The following PDE1A variants were observed in gnomAD, a reference collection of about 807,000 sequenced individuals.
PDE1A encodes dual specificity calcium/calmodulin-dependent 3',5'-cyclic nucleotide phosphodiesterase 1A.
In PDE1A, 35 loss-of-function variants were observed where a neutral mutation model predicts 61.7. The observed-to-expected ratio is 0.57, with a 90% CI of 0.43 to 0.75. PDE1A has a LOEUF of 0.75. Ranked by LOEUF, PDE1A falls within the 30% of genes least tolerant of loss-of-function variation. The pLI, the probability that PDE1A is intolerant of heterozygous loss-of-function variation, is 0.00. For synonymous variants in PDE1A, 232 were observed against 213.2 expected (o/e 1.09, Z -0.77); for missense variants, 597 against 630.6 (o/e 0.95, Z 0.57).
At chr2:182,692,291 C>G in the PDE1A span, among the ~76,000 whole-genome samples, 1 of 152,092 alleles carries the variant, frequency 6.6e-6, no homozygotes, top group African/African-American at 2.4e-5. Flanking sequence ...CAATGATAGA[C>G]TAGATTAAGA....
At chr2:182,285,645 T>C (rs1694107793) in intron 1 of PDE1A, among the ~76,000 whole-genome samples, 1 of 152,136 alleles carries the variant, frequency 6.6e-6, no homozygotes. Context: ...AAAGTCAGCA[T>C]CTTGAAACAA....
At chr2:182,554,598 G>A in the PDE1A span, among the ~76,000 whole-genome samples, 1 of 152,042 alleles carries the variant, frequency 6.6e-6, no homozygotes, top group Non-Finnish European at 1.5e-5. Context: ...ACTTTGGCGA[G>A]TTAGTTAACT....
At chr2:182,164,155 G>C (rs374044314), downstream of PDE1A, among the ~76,000 whole-genome samples, 1 of 152,136 alleles carries the variant, frequency 6.6e-6, no homozygotes, top group Non-Finnish European at 1.5e-5. Flanking sequence ...GTATTCTATC[G>C]TCACATGGTA....
chr2:182,532,028 C>G, the PDE1A span, among the ~76,000 whole-genome samples: 2 of 152,142 alleles, frequency 1.3e-5, no homozygotes, highest in Non-Finnish European at 2.9e-5. Context: ...AGGACATGAA[C>G]TCATTCTTTT....
chr2:182,417,769 G>A (rs918907468), intron 1 of PDE1A, among the ~76,000 whole-genome samples: 2 of 152,132 alleles, frequency 1.3e-5, no homozygotes, highest in African/African-American at 4.8e-5. Flanking sequence ...GAATCAGACA[G>A]CTTGTAGGAA....
intron 1 of PDE1A, among the ~76,000 whole-genome samples, chr2:182,407,684 A>T (rs1003820680): frequency 6.6e-6 from 1 of 152,150 alleles, no homozygotes; most frequent in Admixed American, 6.5e-5. Flanking sequence ...CCCGGCCAAC[A>T]TACTTTACGT....
At chr2:182,496,242 T>C (rs1387914053) in intron 2 of PDE1A, among the ~76,000 whole-genome samples, 1 of 152,062 alleles carries the variant, frequency 6.6e-6, no homozygotes. Context: ...TGTACTAGGC[T>C]ACAAAATATT....
At chr2:182,473,867 C>T (rs1261334833) in intron 2 of PDE1A, among the ~76,000 whole-genome samples, 2 of 151,842 alleles carry the variant, frequency 1.3e-5, no homozygotes, top group African/African-American at 4.8e-5. Flanking sequence ...TATGTGCCAC[C>T]TTTTCTTTAT....
the PDE1A span, among the ~76,000 whole-genome samples, chr2:182,640,272 A>G: frequency 6.6e-6 from 1 of 152,370 alleles, no homozygotes; most frequent in East Asian, 1.9e-4. Flanking sequence ...GGAAAACTGC[A>G]GCAAAGAGAC....
chr2:182,234,503 A>G lies in PDE1A; in HGVS notation c.351-5T>C. 1 of 1,564,284 alleles carries G rather than the reference A, an allele frequency of 6.4e-7. No individual in the cohort carries two copies. Among genetic ancestry groups the G allele is most frequent in the South Asian group, 1.1e-5 (1 of 87,754 alleles). ...TGATATGTTTTTCGGTACATTCTAA[A>G]AAAGACAAAAATAAGTGTAAATATA... On this transcript the variant is annotated splice_polypyrimidine_tract_variant and splice_region_variant and intron_variant, in intron 3 of 13. Transcript: ENST00000351439.
intron 2 of PDE1A, among the ~76,000 whole-genome samples, chr2:182,496,490 T>C (rs1393734943): frequency 6.6e-6 from 1 of 152,224 alleles, no homozygotes; most frequent in African/African-American, 2.4e-5. Flanking sequence ...GTTATTATGA[T>C]AGATAATTTA....
chr2:182,646,967 T>C, the PDE1A span, among the ~76,000 whole-genome samples: 2 of 152,224 alleles, frequency 1.3e-5, no homozygotes, highest in Non-Finnish European at 2.9e-5. Context: ...GTGGCCATGC[T>C]GATAATTGGA....
intron 1 of PDE1A, among the ~76,000 whole-genome samples, chr2:182,411,912 G>A (rs1320711099): frequency 6.6e-6 from 1 of 152,010 alleles, no homozygotes; most frequent in Non-Finnish European, 1.5e-5. Context: ...ACAAAAATTA[G>A]CCAGGTGTGG....
At chr2:182,234,619 C>T (rs1320065453) in intron 3 of PDE1A, 121 bp from the exon 4 acceptor site, 3 of 633,094 alleles carry the variant, frequency 4.7e-6, no homozygotes, top group Non-Finnish European at 8.4e-6. Flanking sequence ...TAGTTACAGA[C>T]TCCCTTTGTG....
At chr2:182,577,151 A>T in the PDE1A span, among the ~76,000 whole-genome samples, 5 of 152,162 alleles carry the variant, frequency 3.3e-5, no homozygotes, top group South Asian at 4.1e-4. Flanking sequence ...AGAGATGTAT[A>T]TTTTAGCCCA....
intron 2 of PDE1A, among the ~76,000 whole-genome samples, chr2:182,486,021 T>C (rs966101317): frequency 1.3e-5 from 2 of 151,902 alleles, no homozygotes; most frequent in Non-Finnish European, 2.9e-5. Context: ...TAAAACTCTA[T>C]TCACAGACTA....
At chr2:182,265,622 G>C (rs959814428) in intron 1 of PDE1A, among the ~76,000 whole-genome samples, 3 of 152,116 alleles carry the variant, frequency 2.0e-5, no homozygotes, top group Non-Finnish European at 4.4e-5. Context: ...CCCAAGCCTT[G>C]AGATAATTGT....
chr2:182,555,053 G>T, the PDE1A span, among the ~76,000 whole-genome samples: 1 of 152,154 alleles, frequency 6.6e-6, no homozygotes, highest in Non-Finnish European at 1.5e-5. Context: ...ATAAACTAAA[G>T]AGATGTGAAC....
intron 2 of PDE1A, among the ~76,000 whole-genome samples, chr2:182,499,183 T>TGTTGTTG (rs751136401): frequency 6.6e-5 from 9 of 136,192 alleles, no homozygotes; most frequent in South Asian, 2.5e-4. Flanking sequence ...GTTTTTTTTT[T>TGTTGTTG]TTTTTTTTTT....
Sources: allele counts gnomAD v4.1 joint callset (sites outside exome capture counted in the v4.1 genomes callset), GRCh38; gene constraint gnomAD v4.1.1; transcripts MANE v1.5; gene names NCBI Gene and HGNC (gene_info 2026-07-23, HGNC 2026-07-21).